The following ABHD12B variants were observed in gnomAD, a reference collection of about 807,000 sequenced individuals.
ABHD12B encodes protein ABHD12B.
ABHD12B carries 42 observed loss-of-function variants against 50.4 expected under a neutral mutation model. The ratio of observed to expected loss-of-function variants is 0.83; its 90% CI spans 0.65 to 1.08. ABHD12B has a LOEUF of 1.08. ABHD12B is among the 50% of genes least tolerant of loss of function. The pLI is 0.00. For missense variants in ABHD12B, 479 were observed against 447.7 expected (o/e 1.07, Z -0.63); for synonymous variants, 167 against 160.3 (o/e 1.04, Z -0.32).
chr14:50,897,990 G>T (rs1209753263), intron 9 of ABHD12B, among the ~76,000 whole-genome samples: 3 of 152,184 alleles, frequency 2.0e-5, no homozygotes, highest in Non-Finnish European at 4.4e-5. Context: ...TGTGGCCAAT[G>T]AAGACTTCAG....
At position 50,878,929 on chromosome 14, in the gene ABHD12B, T is replaced by C. The variant is rs1053276650; in HGVS notation, c.335+82T>C. The C allele has an allele frequency of 1.8e-5, 21 of 1,159,544 alleles. No homozygotes were observed. The Admixed American group carries it at 2.3e-4, about 13-fold the overall frequency. The allele number at this position is 1,159,544 out of a possible 1,614,324, so 71.8% of individuals were successfully genotyped here. A position where few individuals can be genotyped will look rare whatever the true frequency, so the allele number is the denominator to read the frequency against. On this transcript the variant is annotated intron_variant, in intron 3 of 12. Coordinates refer to ENST00000337334, the MANE Select transcript of ABHD12B (RefSeq NM_001206673.2). Reference sequence around the variant, plus strand: ...CTCAGAGGAGCAGTGCTGTGTTACCTGCCCACGGAGAGGTCGGTGCTCCTG... The same window carrying C: ...CTCAGAGGAGCAGTGCTGTGTTACCCGCCCACGGAGAGGTCGGTGCTCCTG...
At chr14:50,891,478 C>G (rs1367883415) in intron 9 of ABHD12B, 1 of 152,216 alleles carries the variant, frequency 6.6e-6, no homozygotes, top group Admixed American at 6.5e-5. Context: ...CTCCTGACCT[C>G]GTGATCCGCC....
At position 50,887,211 on chromosome 14, in the gene ABHD12B, C is replaced by CAA. The variant is rs59924695; in HGVS notation, c.700+544_700+545dup. The stretch of plus-strand genomic sequence containing the variant: ...TGGGCGACAGAGCAAGAGTCTGTCT[C>CAA]AAAAAAAAAAAAAAAAAAGAGTCCT... On this transcript the variant is annotated intron_variant, in intron 8 of 12. Coordinates refer to ENST00000337334, the MANE Select transcript of ABHD12B (RefSeq NM_001206673.2). 6.0e-3 allele frequency among the ~76,000 whole-genome samples: 260 copies of CAA among 43,626 alleles called. 16 individuals are homozygous for CAA. Among genetic ancestry groups the CAA allele is most frequent in the South Asian group, 0.031 (22 of 716 alleles). The allele number at this position is 43,626 out of a possible 152,430, so 28.6% of individuals were successfully genotyped here. A position where few individuals can be genotyped will look rare whatever the true frequency, so the allele number is the denominator to read the frequency against.
intron 1 of ABHD12B, 92 bp downstream of exon 1, chr14:50,872,370 A>G: frequency 1.1e-6 from 1 of 922,698 alleles, no homozygotes; most frequent in Non-Finnish European, 1.4e-6. Context: ...CGAGGCCGCA[A>G]TCCCCTCTGC....
chr14:50,877,893 AC>A, intron 1 of ABHD12B, 58 bp from the exon 2 acceptor site: 2 of 1,450,910 alleles, frequency 1.4e-6, no homozygotes, highest in Non-Finnish European at 1.8e-6. Flanking sequence ...AAAGAAAAAA[AC>A]AAACCAAGAC....
chr14:50,878,018 T>C lies in ABHD12B; in HGVS notation c.171T>C (p.Ser57=). The C allele has an allele frequency of 3.9e-6, 6 of 1,535,358 alleles. No homozygotes were observed. The highest frequency in any genetic ancestry group is 5.2e-6 in the Non-Finnish European group (6 of 1,146,514). Reference sequence around the variant, plus strand: ...CTGCTCTGTATGACAGCTTTACTAGTAAATCCTTAAAAGAACACGTTTTCC... The same window carrying C: ...CTGCTCTGTATGACAGCTTTACTAGCAAATCCTTAAAAGAACACGTTTTCC... ...KIAALYDSFT[S]KSLKEHVFLP... Residue 57 remains serine (S), a synonymous_variant, in exon 2 of 13, where the codon AGT becomes AGC. Coordinates refer to ENST00000337334, the MANE Select transcript of ABHD12B (RefSeq NM_001206673.2).
chr14:50,903,406 C>T lies in ABHD12B; in HGVS notation c.881C>T (p.Ser294Phe). Reference protein sequence around the residue: ...PNDENVKFLSSPLLILHGEDD... With the variant: ...PNDENVKFLSFPLLILHGEDD... The stretch of plus-strand genomic sequence containing the variant: ...GTCCCTAGTGTTAAATTCCTTTCTT[C>T]TCCTCTTCTCATCTTACATGGAGAG... Residue 294 changes from serine (S) to phenylalanine (F), a missense_variant, in exon 11 of 13, where the codon TCT becomes TTT. Physicochemically the swap from Ser to Phe is radical, Grantham distance 155. Coordinates refer to ENST00000337334, the MANE Select transcript of ABHD12B (RefSeq NM_001206673.2). 1 of 1,612,070 alleles carries T rather than the reference C, an allele frequency of 6.2e-7. No homozygotes were observed. Among genetic ancestry groups the T allele is most frequent in the Non-Finnish European group, 8.5e-7 (1 of 1,178,640 alleles).
At chr14:50,903,574 AG>A in intron 11 of ABHD12B, 107 bp downstream of exon 11, 1 of 867,750 alleles carries the variant, frequency 1.2e-6, no homozygotes, top group Admixed American at 2.6e-5. Context: ...CTGACATTAT[AG>A]GAGATTCTCT....
chr14:50,883,259 C>T (rs1181707552), intron 5 of ABHD12B, among the ~76,000 whole-genome samples: 1 of 152,204 alleles, frequency 6.6e-6, no homozygotes. Flanking sequence ...GTCTCTCCTC[C>T]CACATGCTGG....
chr14:50,881,055 C>G (rs753118675), intron 4 of ABHD12B, among the ~76,000 whole-genome samples: 1 of 152,162 alleles, frequency 6.6e-6, no homozygotes, highest in Non-Finnish European at 1.5e-5. Flanking sequence ...TACTGGGGAC[C>G]GTCTGACTAA....
At chr14:50,891,167 CATT>C (rs2050111300) in intron 9 of ABHD12B, 2 of 152,084 alleles carry the variant, frequency 1.3e-5, no homozygotes, top group South Asian at 4.1e-4. Context: ...GTCATTAGAA[CATT>C]ATTTTTATTG....
intron 8 of ABHD12B, among the ~76,000 whole-genome samples, chr14:50,887,766 G>A (rs1319402280): frequency 1.3e-5 from 2 of 152,122 alleles, no homozygotes; most frequent in Admixed American, 1.3e-4. Context: ...TATGATGGCT[G>A]GCCTATTTCT....
intron 4 of ABHD12B, 34 bp from the exon 5 acceptor site, chr14:50,881,562 G>C (rs879238723): frequency 2.3e-5 from 15 of 651,346 alleles, no homozygotes; most frequent in Non-Finnish European, 3.6e-5. Flanking sequence ...CCTAATTCTT[G>C]CTTTTTTTTT....
rs1376998139 is a variant in ABHD12B at position 50,878,019 on chromosome 14, A to G, written c.172A>G (p.Lys58Glu). 2.0e-6 allele frequency: 3 copies of G among 1,535,222 alleles called. No homozygotes were observed. Among genetic ancestry groups the G allele is most frequent in the Non-Finnish European group, 1.7e-6 (2 of 1,146,536 alleles). Reference protein sequence around the residue: ...IAALYDSFTSKSLKEHVFLPL... With the variant: ...IAALYDSFTSESLKEHVFLPL... ...TGCTCTGTATGACAGCTTTACTAGTAAATCCTTAAAAGAACACGTTTTCCT... is the reference window on the plus strand; with the variant it reads ...TGCTCTGTATGACAGCTTTACTAGTGAATCCTTAAAAGAACACGTTTTCCT... Residue 58 changes from lysine to glutamate, a missense_variant, in exon 2 of 13, where the codon AAA (lysine) becomes GAA (glutamate). By Grantham distance (56) the Lys-to-Glu change is moderately conservative. Transcript: ENST00000337334.
chr14:50,899,558 G>T (rs2142769011), intron 9 of ABHD12B, among the ~76,000 whole-genome samples: 1 of 152,134 alleles, frequency 6.6e-6, no homozygotes, highest in South Asian at 2.1e-4. Flanking sequence ...TCCTTCTCTT[G>T]GCCATGTCCC....
intron 1 of ABHD12B, among the ~76,000 whole-genome samples, chr14:50,876,076 G>T (rs2049859993): frequency 6.6e-6 from 1 of 152,124 alleles, no homozygotes; most frequent in African/African-American, 2.4e-5. Context: ...GCTCAAAGTG[G>T]CTTCTCTGGG....
chr14:50,885,602 T>G lies in ABHD12B; in HGVS notation c.487-12T>G. On this transcript the variant is annotated splice_polypyrimidine_tract_variant and intron_variant, in intron 5 of 12. Coordinates refer to ENST00000337334, the MANE Select transcript of ABHD12B (RefSeq NM_001206673.2). ...TTCTAATTAAAGTGATAACAGCTCC[T>G]TTGTTACCTAGGTGCTGAGTGATGG... 1 of 1,614,198 alleles carries G rather than the reference T, an allele frequency of 6.2e-7. No homozygotes were observed. Among genetic ancestry groups the G allele is most frequent in the Non-Finnish European group, 8.5e-7 (1 of 1,180,026 alleles).
At chr14:50,897,553 A>T (rs957635932) in intron 9 of ABHD12B, among the ~76,000 whole-genome samples, 2 of 152,168 alleles carry the variant, frequency 1.3e-5, no homozygotes, top group Admixed American at 6.5e-5. Context: ...TCAACAGGAC[A>T]TAAATAGGAG....
chr14:50,886,591 G>T (rs1263261482), intron 7 of ABHD12B, 56 bp from the exon 8 acceptor site: 8 of 1,529,786 alleles, frequency 5.2e-6, no homozygotes, highest in Non-Finnish European at 7.2e-6. Context: ...CATACCAGAA[G>T]TTGCATTTTG....
Sources: gnomAD v4.1 joint callset for allele counts (sites outside exome capture counted in the v4.1 genomes callset) on GRCh38, gnomAD v4.1.1 for gene constraint, MANE v1.5 for transcripts, NCBI Gene and HGNC (gene_info 2026-07-23, HGNC 2026-07-21) for gene names.